YEATS2: variants seen among roughly 807,000 people sequenced by gnomAD.
The protein encoded by YEATS2 is YEATS domain containing 2.
YEATS2 carries 77 observed loss-of-function variants against 163.2 expected under a neutral mutation model. The observed-to-expected ratio is 0.47, with a 90% CI of 0.39 to 0.57. The LOEUF (loss-of-function observed/expected upper bound fraction) is 0.57. Among genes scored for constraint, YEATS2 ranks in the 20% least tolerant of loss-of-function variants. YEATS2 has a pLI of 0.00. For missense variants in YEATS2, 1,549 were observed against 1,729.8 expected (o/e 0.90, Z 1.85); for synonymous variants, 631 against 645.1 (o/e 0.98, Z 0.33).
At chr3:183,763,423 C>T (rs927032184) in intron 15 of YEATS2, among the ~76,000 whole-genome samples, 1 of 152,190 alleles carries the variant, frequency 6.6e-6, no homozygotes, top group African/African-American at 2.4e-5. Flanking sequence ...TGCAGTCTGT[C>T]ATTGACTAAA....
intron 30 of YEATS2, chr3:183,809,432 G>T: frequency 3.0e-6 from 1 of 332,310 alleles, no homozygotes; most frequent in Non-Finnish European, 5.5e-6. Context: ...TTTTATTACA[G>T]GGTTGAATAA....
At position 183,698,839 on chromosome 3, in the gene YEATS2, G is replaced by T. The variant is rs145947280; in HGVS notation, c.-20+846G>T. Among the ~76,000 whole-genome samples the T allele has an allele frequency of 7.2e-5, 11 of 152,208 alleles. No individual in the cohort carries two copies. In the East Asian group the frequency reaches 1.5e-3, roughly 21 times the overall value. Reference sequence around the variant, plus strand: ...TCTTAATGAGTAGAGGGTATTCAGCGTAGAAAAATTTAAAAATACAAGCAA... The same window carrying T: ...TCTTAATGAGTAGAGGGTATTCAGCTTAGAAAAATTTAAAAATACAAGCAA... On this transcript the variant is annotated intron_variant, in intron 1 of 30. Coordinates refer to ENST00000305135, the MANE Select transcript of YEATS2 (RefSeq NM_018023.5).
At chr3:183,730,160 G>C (rs554909509) in intron 7 of YEATS2, among the ~76,000 whole-genome samples, 1 of 125,366 alleles carries the variant, frequency 8.0e-6, no homozygotes, top group Non-Finnish European at 1.6e-5. Context: ...CACCCCCCAG[G>C]TTCAAGCAGT....
At chr3:183,782,048 T>A (rs897373165) in intron 19 of YEATS2, among the ~76,000 whole-genome samples, 3 of 152,222 alleles carry the variant, frequency 2.0e-5, no homozygotes, top group Non-Finnish European at 2.9e-5. Context: ...ACGTAATGTT[T>A]CCAAGATTTA....
rs1428488006 is a variant in YEATS2, at chr3:183,811,624, G to A, written c.*1041G>A. On this transcript the variant is annotated 3_prime_UTR_variant, in exon 31 of 31. Transcript: ENST00000305135. Reference sequence around the variant, plus strand: ...GGATGCCAGTGCCCAGAAGCAGTGAGATTAGTCTGTGTCCACAAGCAGAGG... The same window carrying A: ...GGATGCCAGTGCCCAGAAGCAGTGAAATTAGTCTGTGTCCACAAGCAGAGG... 6.6e-6 allele frequency: 1 copy of A among 152,656 alleles called. No homozygotes were observed. The highest frequency in any genetic ancestry group is 1.5e-5 in the Non-Finnish European group (1 of 68,102). 9.5% of individuals were successfully genotyped at this position (152,656 alleles called of 1,614,324 possible).
At position 183,806,967 on chromosome 3, in the gene YEATS2, A is replaced by G. The variant is rs763547234; in HGVS notation, c.3886A>G (p.Ile1296Val). ...ACCCGAGAATGAGGAGGAGGTGGAC[A>G]TCCTCAGCCTCTCCGAGCCAGTGAA... is the stretch of plus-strand genomic sequence containing the variant. ...REPENEEEVD[I>V]LSLSEPVKIN... is the part of the protein sequence containing the mutation. The change falls in exon 28 of 31, where the codon ATC becomes GTC. Residue 1296 changes from isoleucine to valine, a missense_variant. Transcript: ENST00000305135. The G allele has an allele frequency of 1.2e-6, 2 of 1,614,190 alleles. No individual in the cohort carries two copies. Among genetic ancestry groups the G allele is most frequent in the Non-Finnish European group, 1.7e-6 (2 of 1,180,034 alleles).
In YEATS2 at chr3:183,736,801, A is replaced by G; in HGVS notation, c.896A>G (p.Lys299Arg). 1.2e-6 allele frequency: 2 copies of G among 1,614,012 alleles called. No individual in the cohort carries two copies. The highest frequency in any genetic ancestry group is 1.7e-6 in the Non-Finnish European group (2 of 1,179,924). ...GTTCATTTTAAGGACAGCCAGAACAAGCGGATAGATATCATACATAATCTG... is the reference window on the plus strand; with the variant it reads ...GTTCATTTTAAGGACAGCCAGAACAGGCGGATAGATATCATACATAATCTG... The part of the protein sequence containing the change: ...VQVHFKDSQN[K>R]RIDIIHNLKL... Residue 299 changes from lysine to arginine, a missense_variant, in exon 8 of 31, where the codon AAG becomes AGG. Lys to Arg is a conservative substitution (Grantham distance 26, BLOSUM62 2). Coordinates refer to ENST00000305135, the MANE Select transcript of YEATS2 (RefSeq NM_018023.5).
At chr3:183,773,552 T>C (rs262961) in intron 16 of YEATS2, 81 bp from the exon 17 acceptor site, 610,776 of 1,358,600 alleles carry the variant, frequency 0.45, 139,599 homozygotes, top group Middle Eastern at 0.56. Flanking sequence ...AAAATAAGAA[T>C]TTATTGCCTT....
intron 11 of YEATS2, 29 bp from the exon 12 acceptor site, chr3:183,756,499 G>GT (rs755590444): frequency 6.6e-7 from 1 of 1,521,584 alleles, no homozygotes; most frequent in Admixed American, 2.1e-5. Context: ...TGTGTATTTT[G>GT]TTTGTATTCT....
chr3:183,804,802 A>G (rs1726018288), intron 27 of YEATS2, among the ~76,000 whole-genome samples: 1 of 151,930 alleles, frequency 6.6e-6, no homozygotes, highest in South Asian at 2.1e-4. Flanking sequence ...CTTGGCTAAC[A>G]CACTGAAACC....
intron 18 of YEATS2, 107 bp downstream of exon 18, chr3:183,776,230 C>T (rs982608185): frequency 2.7e-6 from 3 of 1,125,234 alleles, no homozygotes; most frequent in South Asian, 3.3e-5. Flanking sequence ...TCAATACTAA[C>T]ACCTTAACCG....
chr3:183,794,993 G>C lies in YEATS2; in HGVS notation c.3098-2930G>C, dbSNP rs561474161. 9.2e-5 allele frequency among the ~76,000 whole-genome samples: 12 copies of C among 130,584 alleles called. No homozygotes were observed. In the South Asian group the frequency reaches 3.2e-3, roughly 35 times the overall value. The allele number at this position is 130,584 out of a possible 152,430, so 85.7% of individuals were successfully genotyped here. On this transcript the variant is annotated intron_variant, in intron 21 of 30. Transcript: ENST00000305135. ...GAGACAAGCCTGGGCAATGTGACAA[G>C]ACCCCATTTCTTAAAAAAAAAAAAA... is the stretch of plus-strand genomic sequence containing the variant.
chr3:183,776,893 A>G (rs1723056598), intron 18 of YEATS2, among the ~76,000 whole-genome samples: 1 of 151,840 alleles, frequency 6.6e-6, no homozygotes, highest in Non-Finnish European at 1.5e-5. Context: ...CAGAGGTTGC[A>G]GTGAGCCAAG....
At chr3:183,754,027 T>C (rs1720456782) in intron 10 of YEATS2, 99 bp from the exon 11 acceptor site, 2 of 1,417,848 alleles carry the variant, frequency 1.4e-6, no homozygotes, top group Non-Finnish European at 1.9e-6. Flanking sequence ...TGGTTTAAAA[T>C]GGTGTTGAAA....
Position 183,810,546 on chromosome 3 carries a change from C to T in YEATS2, c.4232C>T (p.Thr1411Ile), listed in dbSNP as rs1307618950. 1 of 1,614,146 alleles carries T rather than the reference C, an allele frequency of 6.2e-7. No homozygotes were observed. The highest frequency in any genetic ancestry group is 8.5e-7 in the Non-Finnish European group (1 of 1,180,006). ...AACATTCCTTTTCTGGACTTCCTCA[C>T]AAACAAACACATGGGAATATTGAAT... ...ICNIPFLDFL[T>I]NKHMGILNED... Residue 1411 changes from threonine to isoleucine, a missense_variant, in exon 31 of 31, where the codon ACA becomes ATA. Thr to Ile is a moderately conservative substitution (Grantham distance 89). Transcript: ENST00000305135.
At chr3:183,786,990 G>A (rs1413249080) in intron 20 of YEATS2, among the ~76,000 whole-genome samples, 1 of 152,032 alleles carries the variant, frequency 6.6e-6, no homozygotes, top group Non-Finnish European at 1.5e-5. Flanking sequence ...GAGTCTTGCT[G>A]TGTCACCAGG....
chr3:183,803,400 A>T (rs1351622214), intron 26 of YEATS2, 65 bp downstream of exon 26: 13 of 1,401,994 alleles, frequency 9.3e-6, no homozygotes, highest in Non-Finnish European at 1.3e-5. Context: ...AACAGGGATA[A>T]GATTGCAGCA....
Position 183,756,574 on chromosome 3 carries a change from G to T in YEATS2, c.1437G>T (p.Pro479=). Residue 479 remains proline, a synonymous_variant, in exon 12 of 31, where the codon CCG becomes CCT. Transcript: ENST00000305135. ...GCCCATCACCATTGCCTCGAACCCCGACTTCCACTCCAGTCCACGTGAAGC... is the reference window on the plus strand; with the variant it reads ...GCCCATCACCATTGCCTCGAACCCCTACTTCCACTCCAGTCCACGTGAAGC... ...TPSPSPLPRT[P]TSTPVHVKQG... 6.2e-7 allele frequency: 1 copy of T among 1,605,224 alleles called. No individual in the cohort carries two copies. The highest frequency in any genetic ancestry group is 2.2e-5 in the East Asian group (1 of 44,514).
intron 1 of YEATS2, among the ~76,000 whole-genome samples, chr3:183,703,240 A>G (rs201404349): frequency 6.6e-6 from 1 of 152,182 alleles, no homozygotes; most frequent in Non-Finnish European, 1.5e-5. Flanking sequence ...ATTTTTACTT[A>G]AAAGATCTGT....
Sources: gnomAD v4.1 joint callset for allele counts (sites outside exome capture counted in the v4.1 genomes callset) on GRCh38, gnomAD v4.1.1 for gene constraint, MANE v1.5 for transcripts, NCBI Gene and HGNC (gene_info 2026-07-23, HGNC 2026-07-21) for gene names.